The following IKZF2 variants were observed in gnomAD, a reference collection of about 807,000 sequenced individuals.
The protein encoded by IKZF2 is zinc finger protein Helios.
IKZF2 carries 15 observed loss-of-function variants against 49.2 expected under a neutral mutation model. The observed-to-expected ratio is 0.30, with a 90% CI of 0.20 to 0.47. IKZF2 has a LOEUF of 0.47. Ranked by LOEUF, IKZF2 falls within the 20% of genes least tolerant of loss-of-function variation. IKZF2 has a pLI of 1.00. For missense variants in IKZF2, 567 were observed against 664.6 expected (o/e 0.85, Z 1.61); for synonymous variants, 227 against 221.4 (o/e 1.03, Z -0.23).
At chr2:213,042,671 GTGAAAAAATCTTTAAAAA>G (rs921679062) in intron 6 of IKZF2, among the ~76,000 whole-genome samples, 10 of 151,994 alleles carry the variant, frequency 6.6e-5, no homozygotes. Flanking sequence ...ATAAAAATTA[GTGAAAAAATCTTTAAAAA>G]TGAATAGAAG....
rs201795077 is a variant in IKZF2, at chr2:213,007,525, C to T, written c.1416G>A (p.Lys472=). ...NGEGEQIRAF[K]CEHCRVLFLD... is the part of the protein sequence containing the mutation. ...GGAAAAGGACTCGGCAGTGCTCACA[C>T]TTGAAGGCCCTAATCTGTTCTCCTT... The change falls in exon 9 of 9, where the codon AAG becomes AAA. Residue 472 remains lysine, a synonymous_variant. Transcript: ENST00000434687. 26 of 1,613,736 alleles carry T rather than the reference C, an allele frequency of 1.6e-5. No individual in the cohort carries two copies. Among genetic ancestry groups the T allele is most frequent in the Non-Finnish European group, 1.9e-5 (23 of 1,179,736 alleles).
Position 213,007,621 on chromosome 2 carries a change from A to G in IKZF2, c.1320T>C (p.Asp440=), listed in dbSNP as rs760744792. The G allele has an allele frequency of 3.1e-6, 5 of 1,613,682 alleles. No homozygotes were observed. The highest frequency in any genetic ancestry group is 2.2e-5 in the South Asian group (2 of 91,084). The change falls in exon 9 of 9, where the codon GAT becomes GAC. Residue 440 remains aspartate (D), a synonymous_variant. Coordinates refer to ENST00000434687, the MANE Select transcript of IKZF2 (RefSeq NM_001387220.1). ...CCTTGGTAGTATCCAAAGCTTTGAC[A>G]TCCTCCTTCATGTAAGCTGGGCTTT... ...RKQSPAYMKE[D]VKALDTTKAP... is the part of the protein sequence containing the mutation.
At chr2:213,031,496 A>C (rs1698432484) in intron 6 of IKZF2, among the ~76,000 whole-genome samples, 1 of 152,212 alleles carries the variant, frequency 6.6e-6, no homozygotes, top group Non-Finnish European at 1.5e-5. Context: ...CTCTGGAAGA[A>C]AAATAGTCAC....
At chr2:213,127,135 G>C (rs557437490) in intron 4 of IKZF2, among the ~76,000 whole-genome samples, 2 of 152,304 alleles carry the variant, frequency 1.3e-5, no homozygotes, top group African/African-American at 4.8e-5. Flanking sequence ...ATTGCTATTA[G>C]AGAGGTAAAC....
chr2:213,050,347 TG>T (rs1265412179), intron 5 of IKZF2, among the ~76,000 whole-genome samples: 2 of 152,216 alleles, frequency 1.3e-5, no homozygotes, highest in South Asian at 4.1e-4. Flanking sequence ...GAAATGAACC[TG>T]GTCAGTTTGG....
intron 4 of IKZF2, among the ~76,000 whole-genome samples, chr2:213,093,768 T>C (rs1705629270): frequency 6.6e-6 from 1 of 152,276 alleles, no homozygotes; most frequent in Middle Eastern, 3.4e-3. Flanking sequence ...CTAGCTTTAT[T>C]GTCTTGGAAG....
intron 4 of IKZF2, among the ~76,000 whole-genome samples, chr2:213,128,804 C>CTT (rs1184422126): frequency 0.021 from 2,390 of 113,160 alleles, 91 homozygotes; most frequent in African/African-American, 0.057. Context: ...ATTTTTTTTT[C>CTT]TTTTTTTTTT....
intron 4 of IKZF2, among the ~76,000 whole-genome samples, chr2:213,141,516 T>A (rs1330231644): frequency 1.3e-5 from 2 of 152,106 alleles, no homozygotes; most frequent in Non-Finnish European, 2.9e-5. Flanking sequence ...GAAATACCAA[T>A]CTGCTTGTAT....
chr2:213,061,738 A>T (rs1701712536), intron 4 of IKZF2, among the ~76,000 whole-genome samples: 1 of 151,550 alleles, frequency 6.6e-6, no homozygotes, highest in Admixed American at 6.6e-5. Context: ...TTAAAGCTAA[A>T]GCAAAAAAAA....
intron 4 of IKZF2, among the ~76,000 whole-genome samples, chr2:213,066,356 A>G (rs916825868): frequency 3.3e-5 from 5 of 152,090 alleles, no homozygotes; most frequent in Non-Finnish European, 7.4e-5. Flanking sequence ...GCAGTGCAAC[A>G]CACTTCAGCA....
rs1324899406 is a variant in IKZF2 at position 213,001,379 on chromosome 2, A to T, written c.*5981T>A. The T allele has an allele frequency of 6.6e-6, 1 of 151,926 alleles. No individual in the cohort carries two copies. 9.4% of individuals were successfully genotyped at this position (151,926 alleles called of 1,614,324 possible). ...AACTGTCTAGTCTTTCATGATATAC[A>T]TTTTTTGGAGGAAAGCCAAATCAGA... On this transcript the variant is annotated 3_prime_UTR_variant, in exon 9 of 9. Coordinates refer to ENST00000434687, the MANE Select transcript of IKZF2 (RefSeq NM_001387220.1).
chr2:213,106,652 A>AG (rs1367544029), intron 4 of IKZF2, among the ~76,000 whole-genome samples: 1 of 151,692 alleles, frequency 6.6e-6, no homozygotes, highest in African/African-American at 2.4e-5. Flanking sequence ...TAAAAAAAAA[A>AG]AAAAGAAAAA....
chr2:213,006,363 G>C lies in IKZF2; in HGVS notation c.*997C>G, dbSNP rs1407879168. 1.3e-5 allele frequency: 2 copies of C among 152,438 alleles called. No individual in the cohort carries two copies. The highest frequency in any genetic ancestry group is 4.8e-5 in the African/African-American group (2 of 41,408). 9.4% of individuals were successfully genotyped at this position (152,438 alleles called of 1,614,324 possible). ...AGTGGGTTTTCTCCCCCTACTGTTA[G>C]CATAATTATATTTTTCTGCTGACTG... On this transcript the variant is annotated 3_prime_UTR_variant, in exon 9 of 9. Transcript: ENST00000434687.
intron 4 of IKZF2, among the ~76,000 whole-genome samples, chr2:213,092,789 G>A (rs1705500638): frequency 6.6e-6 from 1 of 152,154 alleles, no homozygotes. Context: ...ACCCCTTTCT[G>A]TCCTCAATGT....
intron 4 of IKZF2, among the ~76,000 whole-genome samples, chr2:213,119,905 G>A (rs985656385): frequency 1.3e-5 from 2 of 152,176 alleles, no homozygotes; most frequent in Non-Finnish European, 2.9e-5. Flanking sequence ...TCACTTATTC[G>A]ACTTTAGTGA....
intron 4 of IKZF2, among the ~76,000 whole-genome samples, chr2:213,125,536 A>C (rs1189314777): frequency 6.6e-6 from 1 of 152,246 alleles, no homozygotes; most frequent in African/African-American, 2.4e-5. Flanking sequence ...ACATATTACT[A>C]GTTGTAGTGT....
intron 8 of IKZF2, among the ~76,000 whole-genome samples, chr2:213,011,964 G>A (rs1024165266): frequency 4.6e-5 from 7 of 152,072 alleles, no homozygotes; most frequent in Middle Eastern, 3.4e-3. Context: ...GATGAGCCAT[G>A]GAATCTAAGC....
At chr2:213,077,884 G>C (rs185029866) in intron 4 of IKZF2, among the ~76,000 whole-genome samples, 2 of 151,806 alleles carry the variant, frequency 1.3e-5, no homozygotes, top group Admixed American at 6.6e-5. Flanking sequence ...CACCGCACCC[G>C]GCCTATTCTA....
intron 4 of IKZF2, among the ~76,000 whole-genome samples, chr2:213,136,821 T>C (rs2060693638): frequency 6.6e-6 from 1 of 152,222 alleles, no homozygotes; most frequent in Non-Finnish European, 1.5e-5. Context: ...CTTCTTGTTC[T>C]TATTATTTGT....
Sources: allele counts gnomAD v4.1 joint callset (sites outside exome capture counted in the v4.1 genomes callset), GRCh38; gene constraint gnomAD v4.1.1; transcripts MANE v1.5; gene names NCBI Gene and HGNC (gene_info 2026-07-23, HGNC 2026-07-21).